Variants in ERBB4 observed in about 807,000 individuals in gnomAD.
The protein encoded by ERBB4 is receptor tyrosine-protein kinase erbB-4.
A neutral mutation model predicts 158.0 loss-of-function variants in ERBB4; 42 were observed. The observed-to-expected ratio is 0.27, with a 90% CI of 0.21 to 0.34. ERBB4 has a LOEUF of 0.34. ERBB4 is among the 10% of genes least tolerant of loss of function. The pLI is 1.00. For synonymous variants in ERBB4, 583 were observed against 558.7 expected, an observed-to-expected ratio of 1.04 and a Z score of -0.61; for missense variants, 1,333 against 1,624.1, an observed-to-expected ratio of 0.82 and a Z score of 3.08.
chr2:212,135,160 T>C (rs186245878), intron 1 of ERBB4, among the ~76,000 whole-genome samples: 200 of 152,300 alleles, frequency 1.3e-3, no homozygotes, highest in African/African-American at 4.3e-3. Context: ...TAAAATTGAA[T>C]TGATCTGTAC....
At position 212,320,238 on chromosome 2, in the gene ERBB4, TTC is replaced by T. The variant is rs1383994327; in HGVS notation, c.83-195337_83-195336del. On this transcript the variant is annotated intron_variant, in intron 1 of 27. Coordinates refer to ENST00000342788, the MANE Select transcript of ERBB4 (RefSeq NM_005235.3). ...TTTACGCAGTCATACTTTTATTTTT[TTC>T]CTGTGGCTGCCAGCATATAGCCTAC... 5.3e-3 allele frequency among the ~76,000 whole-genome samples: 800 copies of T among 149,590 alleles called. 12 individuals carry two copies. The highest frequency in any genetic ancestry group is 0.017 in the African/African-American group (711 of 41,238).
At chr2:211,825,898 A>G (rs2077091406) in intron 3 of ERBB4, among the ~76,000 whole-genome samples, 1 of 147,758 alleles carries the variant, frequency 6.8e-6, no homozygotes, top group African/African-American at 2.5e-5. Context: ...ATTATATAAT[A>G]TATATAGGAT....
At chr2:211,473,297 G>C (rs554862378) in intron 20 of ERBB4, among the ~76,000 whole-genome samples, 2 of 152,170 alleles carry the variant, frequency 1.3e-5, no homozygotes, top group South Asian at 4.1e-4. Context: ...TTCTCCCCCA[G>C]GGCTTCTAGA....
At position 212,319,382 on chromosome 2, in the gene ERBB4, G is replaced by T. The variant is rs901209207; in HGVS notation, c.83-194479C>A. The stretch of plus-strand genomic sequence containing the variant: ...TTCTGGTTTGTTTGTTGTTTTTTAT[G>T]ATTGCTGTTGTTATTTTTGTGTTTG... On this transcript the variant is annotated intron_variant, in intron 1 of 27. Coordinates refer to ENST00000342788, the MANE Select transcript of ERBB4 (RefSeq NM_005235.3). 2.0e-5 allele frequency among the ~76,000 whole-genome samples: 3 copies of T among 150,274 alleles called. 1 individual carries two copies. The South Asian group carries it at 6.4e-4, about 32-fold the overall frequency.
chr2:211,824,816 A>C (rs2077062047), intron 3 of ERBB4, among the ~76,000 whole-genome samples: 1 of 151,960 alleles, frequency 6.6e-6, no homozygotes, highest in African/African-American at 2.4e-5. Flanking sequence ...TCTGAAAAAA[A>C]TATGTTTGTT....
In ERBB4 at chr2:211,972,417, T is replaced by C. The variant is rs116362658; in HGVS notation, c.235-24801A>G. On this transcript the variant is annotated intron_variant, in intron 2 of 27. Coordinates refer to ENST00000342788, the MANE Select transcript of ERBB4 (RefSeq NM_005235.3). ...AGAGAAAACTATTTTAAAATGCATG[T>C]GGAACCAAATAAGACCTGCATAGCC... 9.7e-3 allele frequency among the ~76,000 whole-genome samples: 1,483 copies of C among 152,284 alleles called. 24 individuals are homozygous for C. Among genetic ancestry groups the C allele is most frequent in the African/African-American group, 0.034 (1,410 of 41,558 alleles).
chr2:212,246,746 G>A (rs1325990006), intron 1 of ERBB4, among the ~76,000 whole-genome samples: 2 of 151,990 alleles, frequency 1.3e-5, no homozygotes, highest in African/African-American at 4.8e-5. Flanking sequence ...CTCAAGAAGA[G>A]AAAAAAATAA....
chr2:211,430,829 C>T, intron 21 of ERBB4, 116 bp downstream of exon 21: 2 of 916,990 alleles, frequency 2.2e-6, no homozygotes, highest in Non-Finnish European at 3.5e-6. Context: ...ATGGTAGAAC[C>T]AAGGCTTAAT....
At position 211,598,358 on chromosome 2, in the gene ERBB4, T is replaced by C. The variant is rs532813450; in HGVS notation, c.2301+20819A>G. Reference sequence around the variant, plus strand: ...GATCAGGCACAGATCAAAATGGAAATGTCTACAATGTCGTGCTGGGCTGAG... The same window carrying C: ...GATCAGGCACAGATCAAAATGGAAACGTCTACAATGTCGTGCTGGGCTGAG... On this transcript the variant is annotated intron_variant, in intron 19 of 27. Transcript: ENST00000342788. Among the ~76,000 whole-genome samples, 27 of 152,118 alleles carry C rather than the reference T, an allele frequency of 1.8e-4. No homozygotes were observed. In the South Asian group the frequency reaches 5.0e-3, roughly 28 times the overall value.
chr2:212,090,286 T>C (rs2078734324), intron 2 of ERBB4, among the ~76,000 whole-genome samples: 1 of 152,216 alleles, frequency 6.6e-6, no homozygotes, highest in Admixed American at 6.6e-5. Context: ...CTATTATTTG[T>C]AATCACTGCT....
At chr2:212,263,281 G>T (rs372029719) in intron 1 of ERBB4, among the ~76,000 whole-genome samples, 2 of 152,118 alleles carry the variant, frequency 1.3e-5, no homozygotes. Flanking sequence ...AACTGTGAGA[G>T]AACAAATTTC....
intron 2 of ERBB4, among the ~76,000 whole-genome samples, chr2:211,947,929 T>A (rs2080748925): frequency 6.6e-6 from 1 of 152,138 alleles, no homozygotes; most frequent in Non-Finnish European, 1.5e-5. Flanking sequence ...GTCTTGCTTA[T>A]CAACAGACTA....
rs2092234011 is a variant in ERBB4, at chr2:212,440,627, G to A, written c.82+97822C>T. ...TTTCATCAGTTTTGGGGTTTCTAGAGTTGGCTGCTTAATATGACTAGACCC... is the reference window on the plus strand; with the variant it reads ...TTTCATCAGTTTTGGGGTTTCTAGAATTGGCTGCTTAATATGACTAGACCC... On this transcript the variant is annotated intron_variant, in intron 1 of 27. Transcript: ENST00000342788. Among the ~76,000 whole-genome samples the A allele has an allele frequency of 2.6e-5, 4 of 152,114 alleles. No homozygotes were observed. In the South Asian group the frequency reaches 8.3e-4, roughly 32 times the overall value.
intron 1 of ERBB4, among the ~76,000 whole-genome samples, chr2:212,525,529 T>C (rs1478160373): frequency 3.9e-5 from 6 of 151,994 alleles, no homozygotes; most frequent in South Asian, 2.1e-4. Context: ...CTGAATACTC[T>C]ACAATTCACT....
At chr2:211,655,864 G>A (rs193009207) in intron 16 of ERBB4, among the ~76,000 whole-genome samples, 22 of 152,286 alleles carry the variant, frequency 1.4e-4, no homozygotes, top group African/African-American at 5.3e-4. Flanking sequence ...CAGTGCCACT[G>A]TTGTAGAAAT....
intron 1 of ERBB4, among the ~76,000 whole-genome samples, chr2:212,277,949 G>A (rs1286471918): frequency 2.6e-5 from 4 of 151,248 alleles, no homozygotes; most frequent in African/African-American, 9.7e-5. Flanking sequence ...GGAACAACTT[G>A]AAAAAAAATC....
chr2:211,715,498 A>T (rs2073864619), intron 7 of ERBB4, among the ~76,000 whole-genome samples: 1 of 152,152 alleles, frequency 6.6e-6, no homozygotes, highest in African/African-American at 2.4e-5. Context: ...TATGGTTTGG[A>T]TCTGTGTCCC....
chr2:212,436,303 A>G (rs890009835), intron 1 of ERBB4, among the ~76,000 whole-genome samples: 2 of 152,070 alleles, frequency 1.3e-5, no homozygotes, highest in African/African-American at 2.4e-5. Flanking sequence ...ACATATTAAA[A>G]GAAATAAATA....
intron 19 of ERBB4, among the ~76,000 whole-genome samples, chr2:211,610,474 T>C (rs930643494): frequency 6.6e-6 from 1 of 152,194 alleles, no homozygotes; most frequent in Admixed American, 6.5e-5. Context: ...TTCTGGTGTT[T>C]GCTTGTCCTT....
Sources: allele counts gnomAD v4.1 joint callset (sites outside exome capture counted in the v4.1 genomes callset), GRCh38; gene constraint gnomAD v4.1.1; transcripts MANE v1.5; gene names NCBI Gene and HGNC (gene_info 2026-07-23, HGNC 2026-07-21).